Variants in SPRING1 observed in about 807,000 individuals in gnomAD.
The protein encoded by SPRING1 is SREBF pathway regulator in golgi 1, also known as SREBP regulating gene protein.
SPRING1 carries 14 observed loss-of-function variants against 24.7 expected under a neutral mutation model. That is an observed-to-expected ratio of 0.57 (90% CI 0.37 to 0.88). The LOEUF (loss-of-function observed/expected upper bound fraction) is 0.88, where lower values mean the gene tolerates loss of function less well. Ranked by LOEUF, SPRING1 falls within the 40% of genes least tolerant of loss-of-function variation. The probability of loss-of-function intolerance (pLI) is 0.00; values close to 1 mark genes in which losing one functional copy is unlikely to be tolerated. For synonymous variants in SPRING1, 93 were observed against 106.1 expected, an observed-to-expected ratio of 0.88 and a Z score of 0.76; for missense variants, 255 against 268.4, an observed-to-expected ratio of 0.95 and a Z score of 0.35.
rs535960006 is a variant in SPRING1 at position 116,720,981 on chromosome 12, T to C, written c.269-534A>G. Among the ~76,000 whole-genome samples the C allele has an allele frequency of 1.3e-5, 2 of 152,330 alleles. No homozygotes were observed. Among genetic ancestry groups the C allele is most frequent in the South Asian group, 2.1e-4 (1 of 4,832 alleles). The stretch of plus-strand genomic sequence containing the variant: ...TAGAAATATTCACATCTAACCCTTA[T>C]AAACTGATTTATACGTGTACGTGCC... On this transcript the variant is annotated intron_variant, in intron 2 of 4. Coordinates refer to ENST00000261318, the MANE Select transcript of SPRING1 (RefSeq NM_024738.4). The surrounding 1 kb of genome is among the most constrained non-coding windows in gnomAD (Gnocchi z 4.0).
At chr12:116,719,633 C>A in intron 4 of SPRING1, 130 bp downstream of exon 4, 1 of 689,928 alleles carries the variant, frequency 1.4e-6, no homozygotes, top group Admixed American at 2.8e-5. Context: ...TCACACCAAA[C>A]AAAGCGTGAC....
In SPRING1 at chr12:116,723,089, C is replaced by CT; in HGVS notation, c.245dup (p.His83AlafsTer6). 1 of 1,612,530 alleles carries CT rather than the reference C, an allele frequency of 6.2e-7. No individual in the cohort carries two copies. The highest frequency in any genetic ancestry group is 1.1e-5 in the South Asian group (1 of 91,014). On this transcript the variant is annotated frameshift_variant, in exon 2 of 5. Coordinates refer to ENST00000261318, the MANE Select transcript of SPRING1 (RefSeq NM_024738.4). LOFTEE classifies it high-confidence loss of function. Reference sequence around the variant, plus strand: ...CACCGAGTTCATCCGTGATGAGGTGCTTCCCTTGAATGGAGTTGCGGCACT... The same window carrying CT: ...CACCGAGTTCATCCGTGATGAGGTGCTTTCCCTTGAATGGAGTTGCGGCACT...
chr12:116,737,065 G>C (rs1871259254), intron 1 of SPRING1, among the ~76,000 whole-genome samples: 1 of 152,304 alleles, frequency 6.6e-6, no homozygotes, highest in African/African-American at 2.4e-5. Context: ...CTTAGCTCTG[G>C]ACCGGGCAGG....
Position 116,717,164 on chromosome 12 carries a change from C to G in SPRING1, c.*646G>C, listed in dbSNP as rs559425892. 4 of 152,118 alleles carry G rather than the reference C, an allele frequency of 2.6e-5. No individual in the cohort carries two copies. Among genetic ancestry groups the G allele is most frequent in the South Asian group, 2.1e-4 (1 of 4,824 alleles). 9.4% of individuals were successfully genotyped at this position (152,118 alleles called of 1,614,324 possible). On this transcript the variant is annotated 3_prime_UTR_variant, in exon 5 of 5. Coordinates refer to ENST00000261318, the MANE Select transcript of SPRING1 (RefSeq NM_024738.4). The surrounding 1 kb of genome is among the most constrained non-coding windows in gnomAD (Gnocchi z 4.2). ...GTCTGAGTTTTTAGATAATTTTACA[C>G]GTCAGGATATGGCTAACAGGTCACG...
At position 116,712,338 on chromosome 12, in the gene SPRING1, T is replaced by C. The variant is rs1566052033; in HGVS notation, c.*5472A>G. 1 of 152,190 alleles carries C rather than the reference T, an allele frequency of 6.6e-6. No individual in the cohort carries two copies. Among genetic ancestry groups the C allele is most frequent in the Non-Finnish European group, 1.5e-5 (1 of 68,036 alleles). The allele number at this position is 152,190 out of a possible 1,614,324, so 9.4% of individuals were successfully genotyped here. On this transcript the variant is annotated 3_prime_UTR_variant, in exon 5 of 5. Coordinates refer to ENST00000261318, the MANE Select transcript of SPRING1 (RefSeq NM_024738.4). ...AGTCGGCCCATATGCACGTCACCAC[T>C]CGGCTCCCAGCTCAGGTGCAGACCA...
chr12:116,729,236 AG>A (rs35602303), intron 1 of SPRING1, among the ~76,000 whole-genome samples: 130,897 of 152,174 alleles, frequency 0.86, 56,442 homozygotes, highest in Non-Finnish European at 0.89. Context: ...GAATACACCA[AG>A]AAAATCTATT....
In SPRING1 at chr12:116,725,608, G is replaced by A. The variant is rs575292689; in HGVS notation, c.112-2385C>T. The stretch of plus-strand genomic sequence containing the variant: ...TATTATACTTAGTACTTTTCTGGCC[G>A]GGCGCCATGGCTCACACCTGTAATC... On this transcript the variant is annotated intron_variant, in intron 1 of 4. Coordinates refer to ENST00000261318, the MANE Select transcript of SPRING1 (RefSeq NM_024738.4). Among the ~76,000 whole-genome samples the A allele has an allele frequency of 7.1e-4, 108 of 152,246 alleles. 1 individual carries two copies. The South Asian group carries it at 0.021, about 30-fold the overall frequency.
intron 1 of SPRING1, among the ~76,000 whole-genome samples, chr12:116,730,149 C>T (rs1357168454): frequency 6.6e-6 from 1 of 152,162 alleles, no homozygotes; most frequent in East Asian, 1.9e-4. Flanking sequence ...ATCCACCCGC[C>T]TCGGCCTCCC....
intron 1 of SPRING1, among the ~76,000 whole-genome samples, chr12:116,730,093 G>A (rs954431141): frequency 1.3e-5 from 2 of 152,028 alleles, no homozygotes; most frequent in Non-Finnish European, 2.9e-5. Context: ...GTAGAGACAG[G>A]GTTTCACTGT....
rs1491296837 is a variant in SPRING1, at chr12:116,711,027, ACG to A, written c.*6781_*6782del. 1.3e-5 allele frequency: 2 copies of A among 148,948 alleles called. No homozygotes were observed. Among genetic ancestry groups the A allele is most frequent in the South Asian group, 2.1e-4 (1 of 4,690 alleles). 9.2% of individuals were successfully genotyped at this position (148,948 alleles called of 1,614,324 possible). A position where few individuals can be genotyped will look rare whatever the true frequency, so the allele number is the denominator to read the frequency against. On this transcript the variant is annotated 3_prime_UTR_variant, in exon 5 of 5. Transcript: ENST00000261318. ...TTGTTACACACACACACACACACAC[ACG>A]CACACACAGAGCCAATGTATGGAAA...
chr12:116,731,122 G>A (rs1870955741), intron 1 of SPRING1, among the ~76,000 whole-genome samples: 1 of 152,184 alleles, frequency 6.6e-6, no homozygotes, highest in South Asian at 2.1e-4. Context: ...ATATGTACTT[G>A]GGGATCAAAA....
chr12:116,722,940 G>A, intron 2 of SPRING1, 127 bp downstream of exon 2: 1 of 1,223,970 alleles, frequency 8.2e-7, no homozygotes, highest in Non-Finnish European at 1.1e-6. Flanking sequence ...AAAACCTGGG[G>A]AATGTTGGAG....
At chr12:116,722,960 G>T (rs377009478) in intron 2 of SPRING1, 107 bp downstream of exon 2, 14 of 1,387,004 alleles carry the variant, frequency 1.0e-5, no homozygotes, top group Middle Eastern at 5.1e-4. Flanking sequence ...GATGAGCGAG[G>T]AGAGAAAATG....
chr12:116,723,188 C>T lies in SPRING1; in HGVS notation c.147G>A (p.Gln49=). The part of the protein sequence containing the change: ...ERAVRDRNLL[Q]VHDHNQPIPW... ...GGATGGGCTGATTATGGTCATGAAC[C>T]TGGAGGAGATTCCTATCTCTCACTG... The change falls in exon 2 of 5, where the codon CAG becomes CAA. Residue 49 remains glutamine, a synonymous_variant. Transcript: ENST00000261318. 1.2e-6 allele frequency: 2 copies of T among 1,614,112 alleles called. No individual in the cohort carries two copies. Among genetic ancestry groups the T allele is most frequent in the East Asian group, 2.2e-5 (1 of 44,878 alleles).
Position 116,714,121 on chromosome 12 carries a change from G to A in SPRING1, c.*3689C>T, listed in dbSNP as rs1251794953. 6.6e-6 allele frequency: 1 copy of A among 152,088 alleles called. No individual in the cohort carries two copies. The highest frequency in any genetic ancestry group is 2.4e-5 in the African/African-American group (1 of 41,376). The allele number at this position is 152,088 out of a possible 1,614,324, so 9.4% of individuals were successfully genotyped here. On this transcript the variant is annotated 3_prime_UTR_variant, in exon 5 of 5. Coordinates refer to ENST00000261318, the MANE Select transcript of SPRING1 (RefSeq NM_024738.4). ...CACATCGACACCTCACAGTGACCCT[G>A]AGAGGCAGATGCTGTGACCCCATTT...
chr12:116,716,644 A>T lies in SPRING1; in HGVS notation c.*1166T>A, dbSNP rs1418882146. On this transcript the variant is annotated 3_prime_UTR_variant, in exon 5 of 5. Transcript: ENST00000261318. ...GATTCAGGACACACCAGCAACCTAC[A>T]CGTGTAGCATTCTCTAAGTCATAAT... The T allele has an allele frequency of 6.6e-6, 1 of 152,616 alleles. No homozygotes were observed. Among genetic ancestry groups the T allele is most frequent in the Non-Finnish European group, 1.5e-5 (1 of 68,052 alleles). The allele number at this position is 152,616 out of a possible 1,614,324, so 9.5% of individuals were successfully genotyped here.
At chr12:116,732,261 C>A (rs184667126) in intron 1 of SPRING1, among the ~76,000 whole-genome samples, 40 of 152,314 alleles carry the variant, frequency 2.6e-4, no homozygotes, top group Non-Finnish European at 4.9e-4. Flanking sequence ...TATATAAAAT[C>A]TCATACATTT....
chr12:116,736,965 C>T (rs767524197), intron 1 of SPRING1, among the ~76,000 whole-genome samples: 16 of 152,176 alleles, frequency 1.1e-4, no homozygotes, highest in Non-Finnish European at 1.8e-4. Flanking sequence ...ACCCTCGCCA[C>T]CTATGTCTTG....
chr12:116,737,427 CGGAAGGAGGAAG>C (rs1326424390), intron 1 of SPRING1, among the ~76,000 whole-genome samples: 2 of 133,558 alleles, frequency 1.5e-5, no homozygotes, highest in African/African-American at 5.8e-5. Flanking sequence ...AGGAGGAGGA[CGGAAGGAGGAAG>C]GGAAGGAAGA....
Sources: allele counts gnomAD v4.1 joint callset (sites outside exome capture counted in the v4.1 genomes callset), GRCh38; gene constraint gnomAD v4.1.1; non-coding constraint Gnocchi (gnomAD v3.1); transcripts MANE v1.5; gene names NCBI Gene and HGNC (gene_info 2026-07-23, HGNC 2026-07-21).